The following JMJD1C variants were observed in gnomAD, a reference collection of about 807,000 sequenced individuals.
JMJD1C encodes jumonji domain containing 1C, also known as jumonji domain-containing protein 1C.
A neutral mutation model predicts 245.3 loss-of-function variants in JMJD1C; 31 were observed. The observed-to-expected ratio is 0.13, with a 90% CI of 0.09 to 0.17. The LOEUF is 0.17. Ranked by LOEUF, JMJD1C falls within the 10% of genes least tolerant of loss-of-function variation. The probability of loss-of-function intolerance (pLI) is 1.00; values close to 1 mark genes in which losing one functional copy is unlikely to be tolerated. For synonymous variants in JMJD1C, 1,057 were observed against 1,017.4 expected (o/e 1.04, Z -0.74); for missense variants, 2,691 against 3,000.2 (o/e 0.90, Z 2.41).
At chr10:63,433,343 G>A (rs374318456) in intron 1 of JMJD1C, among the ~76,000 whole-genome samples, 5 of 152,088 alleles carry the variant, frequency 3.3e-5, no homozygotes, top group East Asian at 3.9e-4. Context: ...TGATCCGCTC[G>A]CCTTGGCCTC....
intron 1 of JMJD1C, among the ~76,000 whole-genome samples, chr10:63,390,831 A>T (rs1947993871): frequency 6.6e-6 from 1 of 152,180 alleles, no homozygotes; most frequent in Admixed American, 6.5e-5. Flanking sequence ...TTCTAAGCAC[A>T]GATGAAAAAT....
intron 16 of JMJD1C, 33 bp downstream of exon 16, chr10:63,192,905 C>A (rs1171075149): frequency 6.7e-7 from 1 of 1,495,684 alleles, no homozygotes; most frequent in South Asian, 1.1e-5. Flanking sequence ...CTATACTCCT[C>A]TCACACATGC....
chr10:63,380,105 ATT>A (rs34420480), intron 2 of JMJD1C: 25,290 of 327,134 alleles, frequency 0.077, 1 homozygote, highest in South Asian at 0.1. Context: ...ACATCCAGCT[ATT>A]TTTTTTTTTT....
At chr10:63,336,939 C>G (rs1039882492) in intron 2 of JMJD1C, among the ~76,000 whole-genome samples, 2 of 152,030 alleles carry the variant, frequency 1.3e-5, no homozygotes, top group Admixed American at 6.5e-5. Flanking sequence ...CTTCTGTGTT[C>G]AAGCGATTCT....
chr10:63,230,508 A>G (rs148140382), intron 3 of JMJD1C, among the ~76,000 whole-genome samples: 18 of 152,312 alleles, frequency 1.2e-4, no homozygotes, highest in African/African-American at 2.4e-4. Context: ...CTCCACAAAC[A>G]TAAGAGCTAA....
chr10:63,521,032 C>G (rs920584592), intron 1 of JMJD1C, among the ~76,000 whole-genome samples: 2 of 152,230 alleles, frequency 1.3e-5, no homozygotes, highest in Non-Finnish European at 2.9e-5. Flanking sequence ...CACCGAGTTC[C>G]TGCGAATATC....
intron 3 of JMJD1C, chr10:63,223,150 A>C: frequency 2.3e-5 from 13 of 570,068 alleles, no homozygotes; most frequent in East Asian, 6.1e-5. Context: ...AAAAACCCAA[A>C]CAAACAAAAA....
intron 1 of JMJD1C, among the ~76,000 whole-genome samples, chr10:63,425,656 A>G (rs1050405546): frequency 1.9e-4 from 29 of 152,074 alleles, no homozygotes; most frequent in African/African-American, 7.0e-4. Flanking sequence ...GGTTGTGCAC[A>G]CCTGTATCCC....
At chr10:63,175,272 A>G (rs1414206762) in intron 24 of JMJD1C, among the ~76,000 whole-genome samples, 1 of 152,254 alleles carries the variant, frequency 6.6e-6, no homozygotes, top group East Asian at 1.9e-4. Flanking sequence ...AACATGAAAC[A>G]TAAATAATAT....
chr10:63,314,632 T>G (rs190613038), intron 2 of JMJD1C, among the ~76,000 whole-genome samples: 209 of 152,200 alleles, frequency 1.4e-3, no homozygotes, highest in East Asian at 0.013. Flanking sequence ...AAGTTTTGTT[T>G]TTTTTTTTTT....
At chr10:63,458,334 A>G (rs1952550817) in intron 1 of JMJD1C, among the ~76,000 whole-genome samples, 1 of 152,060 alleles carries the variant, frequency 6.6e-6, no homozygotes, top group South Asian at 2.1e-4. Context: ...AAGAGTAAAA[A>G]AAAATTAGCC....
rs762369149 is a variant in JMJD1C, at chr10:63,207,625, G to A, written c.4044C>T (p.Ala1348=). The A allele has an allele frequency of 1.5e-5, 25 of 1,613,936 alleles. No individual in the cohort carries two copies. The highest frequency in any genetic ancestry group is 9.3e-5 in the African/African-American group (7 of 74,888). Reference sequence around the variant, plus strand: ...GCAAAATGATTCTTCCAGTTTCTCCGGCTTCTGCTAGTTTGAGGCAATCTG... The same window carrying A: ...GCAAAATGATTCTTCCAGTTTCTCCAGCTTCTGCTAGTTTGAGGCAATCTG... ...HKTDCLKLAE[A]GETGRIILPN... The change falls in exon 10 of 26, where the codon GCC becomes GCT. Residue 1348 remains alanine, a synonymous_variant. Coordinates refer to ENST00000399262, the MANE Select transcript of JMJD1C (RefSeq NM_032776.3).
chr10:63,487,976 G>A (rs1022286603), intron 1 of JMJD1C, among the ~76,000 whole-genome samples: 20 of 152,176 alleles, frequency 1.3e-4, no homozygotes, highest in African/African-American at 3.6e-4. Flanking sequence ...AAGACACTGC[G>A]ACACAGAGAG....
rs759603376 is a variant in JMJD1C at position 63,215,303 on chromosome 10, C to T, written c.975G>A (p.Glu325=). 2 of 1,612,838 alleles carry T rather than the reference C, an allele frequency of 1.2e-6. No individual in the cohort carries two copies. ...AATCATATTTTTCCTCCTTCATCTT[C>T]TCTTCATCTGGTATACTGCTATCTG... ...KGSDSSIPDE[E]KMKEEKYDYI... is the part of the protein sequence containing the mutation. The change falls in exon 7 of 26, where the codon GAG becomes GAA. Residue 325 remains glutamate, a synonymous_variant. Coordinates refer to ENST00000399262, the MANE Select transcript of JMJD1C (RefSeq NM_032776.3).
chr10:63,289,597 A>C (rs1181685001), intron 2 of JMJD1C, among the ~76,000 whole-genome samples: 1 of 152,220 alleles, frequency 6.6e-6, no homozygotes, highest in Non-Finnish European at 1.5e-5. Flanking sequence ...GATTGTTTGC[A>C]TGTAGTTTAA....
chr10:63,497,563 G>T (rs1324170799), intron 1 of JMJD1C, among the ~76,000 whole-genome samples: 2 of 152,164 alleles, frequency 1.3e-5, no homozygotes, highest in African/African-American at 4.8e-5. Flanking sequence ...TCAAATTGTG[G>T]TAATGGTTGC....
At chr10:63,455,028 A>C (rs1249179713) in intron 1 of JMJD1C, among the ~76,000 whole-genome samples, 1 of 152,246 alleles carries the variant, frequency 6.6e-6, no homozygotes, top group Non-Finnish European at 1.5e-5. Context: ...GCTTGATTAC[A>C]TATGCCTGGG....
intron 21 of JMJD1C, 142 bp downstream of exon 21, chr10:63,184,466 T>C (rs980133532): frequency 1.5e-6 from 1 of 649,710 alleles, no homozygotes; most frequent in Admixed American, 3.3e-5. Flanking sequence ...ATGGTCTCAA[T>C]CTCCTGACCT....
At chr10:63,414,184 T>TA (rs1372666533) in intron 1 of JMJD1C, among the ~76,000 whole-genome samples, 1 of 151,908 alleles carries the variant, frequency 6.6e-6, no homozygotes, top group Non-Finnish European at 1.5e-5. Flanking sequence ...GACAGGGTTT[T>TA]ACTGTGTTAA....
Sources: gnomAD v4.1 joint callset for allele counts (sites outside exome capture counted in the v4.1 genomes callset) on GRCh38, gnomAD v4.1.1 for gene constraint, MANE v1.5 for transcripts, NCBI Gene and HGNC (gene_info 2026-07-23, HGNC 2026-07-21) for gene names.